Variants in TENM4 observed in about 807,000 individuals in gnomAD.
TENM4 encodes the protein teneurin transmembrane protein 4.
In TENM4, 82 loss-of-function variants were observed where a neutral mutation model predicts 243.3. The ratio of observed to expected loss-of-function variants is 0.34; its 90% CI spans 0.28 to 0.40. The LOEUF is 0.40. TENM4 is among the 10% of genes least tolerant of loss of function. The probability of loss-of-function intolerance (pLI) is 1.00; values close to 1 mark genes in which losing one functional copy is unlikely to be tolerated. For synonymous variants in TENM4, 1,412 were observed against 1,456.3 expected, an observed-to-expected ratio of 0.97 and a Z score of 0.69; for missense variants, 3,138 against 3,673.3, an observed-to-expected ratio of 0.85 and a Z score of 3.77.
intron 6 of TENM4, among the ~76,000 whole-genome samples, chr11:79,022,232 T>C (rs539907652): frequency 2.6e-5 from 4 of 152,222 alleles, no homozygotes; most frequent in Non-Finnish European, 5.9e-5. Flanking sequence ...CCTTGGAAGA[T>C]GTTATAAAGA....
intron 1 of TENM4, among the ~76,000 whole-genome samples, chr11:79,298,181 G>A (rs556385662): frequency 1.4e-3 from 214 of 152,242 alleles, no homozygotes; most frequent in African/African-American, 5.0e-3. Context: ...GCCCAGAAGA[G>A]TGAGAAGTGA....
chr11:79,164,518 C>G (rs1862861461), intron 3 of TENM4, among the ~76,000 whole-genome samples: 1 of 136,528 alleles, frequency 7.3e-6, no homozygotes, highest in Admixed American at 7.5e-5. Context: ...ACTATACATA[C>G]TATATATATA....
At chr11:79,374,408 T>A (rs1857848945) in intron 1 of TENM4, among the ~76,000 whole-genome samples, 1 of 152,136 alleles carries the variant, frequency 6.6e-6, no homozygotes, top group African/African-American at 2.4e-5. Flanking sequence ...ACATTTTACA[T>A]ACTGACTCCT....
chr11:78,712,351 A>C (rs188186125), intron 26 of TENM4, 131 bp downstream of exon 26: 57 of 733,880 alleles, frequency 7.8e-5, no homozygotes, highest in Non-Finnish European at 6.7e-5. Flanking sequence ...GAATTATCAC[A>C]GTTTTTACCA....
chr11:78,959,298 T>C (rs986239561), intron 6 of TENM4, among the ~76,000 whole-genome samples: 2 of 152,232 alleles, frequency 1.3e-5, no homozygotes, highest in African/African-American at 4.8e-5. Flanking sequence ...GCTACTTTTA[T>C]AATTGGCAGA....
intron 1 of TENM4, among the ~76,000 whole-genome samples, chr11:79,426,847 G>A (rs1175487153): frequency 2.6e-5 from 4 of 152,142 alleles, no homozygotes; most frequent in Admixed American, 1.3e-4. Flanking sequence ...GGAGGCAGTT[G>A]GATATATGAA....
At chr11:78,894,999 A>G (rs1303556882) in intron 7 of TENM4, among the ~76,000 whole-genome samples, 1 of 133,192 alleles carries the variant, frequency 7.5e-6, no homozygotes, top group African/African-American at 2.9e-5. Flanking sequence ...AAAAAAAAAA[A>G]AAAAAAAAGA....
At chr11:79,030,540 C>T (rs10160601) in intron 6 of TENM4, among the ~76,000 whole-genome samples, 7,799 of 152,162 alleles carry the variant, frequency 0.051, 486 homozygotes, top group African/African-American at 0.15. Flanking sequence ...AGACAGCTCC[C>T]CACTGGATAT....
intron 9 of TENM4, among the ~76,000 whole-genome samples, chr11:78,869,657 G>A (rs1415747049): frequency 6.6e-6 from 1 of 152,092 alleles, no homozygotes; most frequent in Non-Finnish European, 1.5e-5. Context: ...GGCTCAGAAA[G>A]GCTCCTCAGC....
intron 9 of TENM4, among the ~76,000 whole-genome samples, chr11:78,876,845 T>C (rs945172665): frequency 6.6e-6 from 1 of 152,128 alleles, no homozygotes; most frequent in Non-Finnish European, 1.5e-5. Context: ...TCACCTGAAA[T>C]CCCTGCATCC....
intron 1 of TENM4, among the ~76,000 whole-genome samples, chr11:79,377,539 T>C (rs898831179): frequency 2.0e-5 from 3 of 151,948 alleles, no homozygotes; most frequent in African/African-American, 7.3e-5. Flanking sequence ...ACCTGCAGAG[T>C]GGTTGGGAGG....
chr11:78,783,867 T>A (rs902300456), intron 16 of TENM4, among the ~76,000 whole-genome samples: 2 of 152,180 alleles, frequency 1.3e-5, no homozygotes, highest in Non-Finnish European at 1.5e-5. Flanking sequence ...CTCTGGGAAA[T>A]GTCACTGGGG....
At chr11:79,358,649 GCCTT>G (rs1158650795) in intron 1 of TENM4, among the ~76,000 whole-genome samples, 3 of 150,136 alleles carry the variant, frequency 2.0e-5, no homozygotes, top group Non-Finnish European at 4.4e-5. Context: ...CCTCCTGCCT[GCCTT>G]CCTTCTTTCT....
chr11:79,221,233 C>T (rs1396408414), intron 2 of TENM4: 1 of 152,002 alleles, frequency 6.6e-6, no homozygotes, highest in Non-Finnish European at 1.5e-5. Context: ...GATAAATGCT[C>T]AGTAAAGGTT....
chr11:78,838,262 T>A (rs775716577), intron 12 of TENM4, among the ~76,000 whole-genome samples: 25 of 152,242 alleles, frequency 1.6e-4, no homozygotes, highest in Non-Finnish European at 3.4e-4. Flanking sequence ...TGTAAGATCA[T>A]AATGCCTTTT....
At chr11:78,970,003 T>A (rs574543762) in intron 6 of TENM4, among the ~76,000 whole-genome samples, 1 of 152,366 alleles carries the variant, frequency 6.6e-6, no homozygotes, top group East Asian at 1.9e-4. Flanking sequence ...AATGCATTCT[T>A]TTTCTTCTCA....
intron 28 of TENM4, among the ~76,000 whole-genome samples, chr11:78,699,914 G>A (rs1010745670): frequency 8.5e-5 from 13 of 152,246 alleles, no homozygotes; most frequent in Non-Finnish European, 1.6e-4. Context: ...GATTTCCATC[G>A]GGCAATGGGC....
chr11:79,422,541 A>T (rs1261921886), intron 1 of TENM4, among the ~76,000 whole-genome samples: 1 of 152,184 alleles, frequency 6.6e-6, no homozygotes, highest in Non-Finnish European at 1.5e-5. Context: ...GAGGCCCTGC[A>T]GTCAATGTTT....
intron 12 of TENM4, among the ~76,000 whole-genome samples, chr11:78,849,228 T>C (rs1858475531): frequency 6.6e-6 from 1 of 152,270 alleles, no homozygotes; most frequent in Non-Finnish European, 1.5e-5. Flanking sequence ...AAGGTATTTT[T>C]ACTTTTAAAG....
Sources: gnomAD v4.1 joint callset for allele counts (sites outside exome capture counted in the v4.1 genomes callset) on GRCh38, gnomAD v4.1.1 for gene constraint, MANE v1.5 for transcripts, NCBI Gene and HGNC (gene_info 2026-07-23, HGNC 2026-07-21) for gene names.